The following NECTIN1 variants were observed in gnomAD, a reference collection of about 807,000 sequenced individuals.
NECTIN1 encodes nectin-1.
NECTIN1 carries 23 observed loss-of-function variants against 48.0 expected under a neutral mutation model. The observed-to-expected ratio is 0.48, with a 90% CI of 0.34 to 0.68. The LOEUF (loss-of-function observed/expected upper bound fraction) is 0.68, where lower values mean the gene tolerates loss of function less well. Ranked by LOEUF, NECTIN1 falls within the 30% of genes least tolerant of loss-of-function variation. NECTIN1 has a pLI of 0.01. For synonymous variants in NECTIN1, 270 were observed against 288.9 expected (o/e 0.93, Z 0.66); for missense variants, 591 against 709.9 (o/e 0.83, Z 1.90).
At position 119,664,470 on chromosome 11, in the gene NECTIN1, G is replaced by T. The variant is rs2135542026; in HGVS notation, c.*277C>A. On this transcript the variant is annotated 3_prime_UTR_variant, in exon 6 of 6. Transcript: ENST00000264025. Reference sequence around the variant, plus strand: ...GAGAACAGGGCTCCCTACACAGAGGGCAGGCAGGTGGGGCCCGTAAAGGGA... The same window carrying T: ...GAGAACAGGGCTCCCTACACAGAGGTCAGGCAGGTGGGGCCCGTAAAGGGA... 1 of 1,302,696 alleles carries T rather than the reference G, an allele frequency of 7.7e-7. No individual in the cohort carries two copies. Among genetic ancestry groups the T allele is most frequent in the South Asian group, 2.0e-5 (1 of 49,378 alleles). 80.7% of individuals were successfully genotyped at this position (1,302,696 alleles called of 1,614,324 possible).
chr11:119,665,428 C>T lies in NECTIN1; in HGVS notation c.1004-131G>A. 2.1e-6 allele frequency: 3 copies of T among 1,422,698 alleles called. No individual in the cohort carries two copies. The highest frequency in any genetic ancestry group is 2.8e-6 in the Non-Finnish European group (3 of 1,085,810). 88.1% of individuals were successfully genotyped at this position (1,422,698 alleles called of 1,614,324 possible). A position where few individuals can be genotyped will look rare whatever the true frequency, so the allele number is the denominator to read the frequency against. On this transcript the variant is annotated intron_variant, in intron 5 of 5. Coordinates refer to ENST00000264025, the MANE Select transcript of NECTIN1 (RefSeq NM_002855.5). This position sits in a 1 kb window ranked among gnomAD's most constrained non-coding sequence, Gnocchi z 5.1. ...TCTGCACCCCAGGTTTGAGCAGCTCCAGTTCGAGGCCCCGCAGCACTCCAC... is the reference window on the plus strand; with the variant it reads ...TCTGCACCCCAGGTTTGAGCAGCTCTAGTTCGAGGCCCCGCAGCACTCCAC...
chr11:119,689,739 G>A (rs4936492), intron 1 of NECTIN1, among the ~76,000 whole-genome samples: 66,966 of 152,024 alleles, frequency 0.44, 15,205 homozygotes, highest in East Asian at 0.59. Context: ...CCATCCCCTC[G>A]AGAAGGTCTT....
Position 119,678,797 on chromosome 11 carries a change from G to A in NECTIN1, c.80-32C>T. ...AGGAGGATGGCAGCAAGTGGTCAGT[G>A]TCAGGCACAGCCTCCCCCCACCCAC... On this transcript the variant is annotated intron_variant, in intron 1 of 5. Transcript: ENST00000264025. This position sits in a 1 kb window ranked among gnomAD's most constrained non-coding sequence, Gnocchi z 4.4. 6.7e-7 allele frequency: 1 copy of A among 1,494,914 alleles called. No homozygotes were observed. The highest frequency in any genetic ancestry group is 9.2e-7 in the Non-Finnish European group (1 of 1,088,818). 92.6% of individuals were successfully genotyped at this position (1,494,914 alleles called of 1,614,324 possible). A position where few individuals can be genotyped will look rare whatever the true frequency, so the allele number is the denominator to read the frequency against.
intron 1 of NECTIN1, among the ~76,000 whole-genome samples, chr11:119,687,892 G>A (rs949193061): frequency 2.6e-5 from 4 of 152,342 alleles, no homozygotes; most frequent in African/African-American, 9.6e-5. Flanking sequence ...GATGGCCGGG[G>A]GGGTGAGTGG....
At chr11:119,704,562 G>A (rs1865515378) in intron 1 of NECTIN1, among the ~76,000 whole-genome samples, 1 of 152,162 alleles carries the variant, frequency 6.6e-6, no homozygotes, top group African/African-American at 2.4e-5. Context: ...TGGAGGGAAG[G>A]GCTTCCCAGA....
intron 6 of NECTIN1, among the ~76,000 whole-genome samples, chr11:119,639,263 T>C (rs1021086329): frequency 2.6e-5 from 4 of 152,086 alleles, no homozygotes; most frequent in African/African-American, 7.2e-5. Context: ...AACGTCCACA[T>C]TGTAAGTAAA....
chr11:119,652,977 G>C (rs575611526), intron 5 of NECTIN1, among the ~76,000 whole-genome samples: 2 of 152,304 alleles, frequency 1.3e-5, no homozygotes, highest in Admixed American at 1.3e-4. Flanking sequence ...TCATGGGTGA[G>C]GCTCACAGAC....
rs2135550981 is a variant in NECTIN1 at position 119,677,029 on chromosome 11, G to A, written c.851+73C>T. 2 of 1,303,316 alleles carry A rather than the reference G, an allele frequency of 1.5e-6. No homozygotes were observed. Among genetic ancestry groups the A allele is most frequent in the South Asian group, 1.2e-5 (1 of 85,012 alleles). The allele number at this position is 1,303,316 out of a possible 1,614,324, so 80.7% of individuals were successfully genotyped here. A position where few individuals can be genotyped will look rare whatever the true frequency, so the allele number is the denominator to read the frequency against. ...CCTGCCTAAAGGCTCCTGGAGGTAG[G>A]ATGGTTGCCCCTCATCACCCGTGGT... On this transcript the variant is annotated intron_variant, in intron 4 of 5. Coordinates refer to ENST00000264025, the MANE Select transcript of NECTIN1 (RefSeq NM_002855.5). The surrounding 1 kb of genome is among the most constrained non-coding windows in gnomAD (Gnocchi z 5.4).
rs1864983858 is a variant in NECTIN1, at chr11:119,677,749, G to T, written c.539C>A (p.Pro180His). ...CCGAGTTTCCCAGGATACCACACTGGGAGGCTTCCCATTGGCTGAGGTGCA... is the reference window on the plus strand; with the variant it reads ...CCGAGTTTCCCAGGATACCACACTGTGAGGCTTCCCATTGGCTGAGGTGCA... ...ATCTSANGKP[P>H]SVVSWETRLK... The change falls in exon 3 of 6, where the codon CCC becomes CAC. Residue 180 changes from proline to histidine, a missense_variant. Transcript: ENST00000264025. This position sits in a 1 kb window ranked among gnomAD's most constrained non-coding sequence, Gnocchi z 5.4. The T allele has an allele frequency of 6.2e-7, 1 of 1,613,980 alleles. No individual in the cohort carries two copies. The highest frequency in any genetic ancestry group is 2.2e-5 in the East Asian group (1 of 44,880).
At chr11:119,648,298 G>GTGGTGGTGATGGTGGTGGTGGTGA (rs1864432924) in intron 5 of NECTIN1, among the ~76,000 whole-genome samples, 1 of 17,996 alleles carries the variant, frequency 5.6e-5, no homozygotes, top group Non-Finnish European at 1.1e-4. Context: ...GATGGTGGTG[G>GTGGTGGTGATGGTGGTGGTGGTGA]TGGTGGTGAT....
intron 1 of NECTIN1, among the ~76,000 whole-genome samples, chr11:119,714,108 C>A (rs1448127617): frequency 3.9e-5 from 6 of 152,162 alleles, no homozygotes; most frequent in Non-Finnish European, 5.9e-5. Flanking sequence ...AACCCCAACT[C>A]AGTCAGTCCC....
intron 5 of NECTIN1, chr11:119,640,545 T>C (rs757464462): frequency 7.0e-5 from 12 of 171,014 alleles, no homozygotes; most frequent in Non-Finnish European, 1.3e-4. Context: ...TCAGTACAGA[T>C]AGGTGAAAAG....
At position 119,663,557 on chromosome 11, in the gene NECTIN1, C is replaced by T. The variant is rs1453120208; in HGVS notation, c.*1190G>A. On this transcript the variant is annotated 3_prime_UTR_variant, in exon 6 of 6. Transcript: ENST00000264025. ...TGTGTGTGAGGCATTGTATGGACTCCTCAGTCCCTCGGACTGTGTTTGCAG... is the reference window on the plus strand; with the variant it reads ...TGTGTGTGAGGCATTGTATGGACTCTTCAGTCCCTCGGACTGTGTTTGCAG... 5.8e-5 allele frequency: 57 copies of T among 985,428 alleles called. No homozygotes were observed. Among genetic ancestry groups the T allele is most frequent in the Non-Finnish European group, 6.7e-5 (56 of 829,974 alleles). 61.0% of individuals were successfully genotyped at this position (985,428 alleles called of 1,614,324 possible).
chr11:119,718,080 T>G (rs1865774421), intron 1 of NECTIN1, among the ~76,000 whole-genome samples: 1 of 152,146 alleles, frequency 6.6e-6, no homozygotes, highest in Non-Finnish European at 1.5e-5. Context: ...CGAATTACCT[T>G]CCTAATTAAG....
intron 1 of NECTIN1, among the ~76,000 whole-genome samples, chr11:119,679,274 C>T (rs763413341): frequency 9.9e-5 from 15 of 152,162 alleles, no homozygotes; most frequent in Admixed American, 3.3e-4. Context: ...CTCTACCTCA[C>T]GAGGTTACTG....
chr11:119,692,281 G>A (rs1296494738), intron 1 of NECTIN1, among the ~76,000 whole-genome samples: 4 of 151,970 alleles, frequency 2.6e-5, no homozygotes, highest in African/African-American at 4.8e-5. Flanking sequence ...CTCGGGGCTC[G>A]CGCCCAGCTG....
chr11:119,722,538 G>A (rs548622617), intron 1 of NECTIN1, among the ~76,000 whole-genome samples: 58 of 152,364 alleles, frequency 3.8e-4, no homozygotes, highest in Admixed American at 1.1e-3. Context: ...GCCCCAGCTG[G>A]GCCACAGCCA....
At chr11:119,653,459 C>G (rs1341303096) in intron 5 of NECTIN1, among the ~76,000 whole-genome samples, 1 of 152,198 alleles carries the variant, frequency 6.6e-6, no homozygotes, top group Non-Finnish European at 1.5e-5. Flanking sequence ...GGATCCCAAC[C>G]CAGCCCTGCC....
chr11:119,644,588 CT>C (rs1291258999), intron 5 of NECTIN1, among the ~76,000 whole-genome samples: 1 of 152,238 alleles, frequency 6.6e-6, no homozygotes, highest in African/African-American at 2.4e-5. Context: ...GGCTTGCCCC[CT>C]GGCTAATGGA....
Sources: gnomAD v4.1 joint callset for allele counts (sites outside exome capture counted in the v4.1 genomes callset) on GRCh38, gnomAD v4.1.1 for gene constraint, Gnocchi (gnomAD v3.1) non-coding constraint, MANE v1.5 for transcripts, NCBI Gene and HGNC (gene_info 2026-07-23, HGNC 2026-07-21) for gene names.